Variants in MAGI1 observed in about 807,000 individuals in gnomAD.
MAGI1 encodes the protein membrane-associated guanylate kinase, WW and PDZ domain-containing protein 1.
Under a neutral mutation model 139.9 loss-of-function variants are expected in MAGI1, and 58 were observed. That is an observed-to-expected ratio of 0.41 (90% CI 0.34 to 0.52). MAGI1 has a LOEUF of 0.52. MAGI1 is among the 20% of genes least tolerant of loss of function. MAGI1 has a pLI of 0.12. For synonymous variants in MAGI1, 812 were observed against 737.9 expected, an observed-to-expected ratio of 1.10 and a Z score of -1.63; for missense variants, 1,874 against 1,901.6, an observed-to-expected ratio of 0.99 and a Z score of 0.27.
intron 1 of MAGI1, among the ~76,000 whole-genome samples, chr3:65,829,538 C>A (rs2042412195): frequency 6.6e-6 from 1 of 152,184 alleles, no homozygotes; most frequent in Admixed American, 6.5e-5. Context: ...TCTGCTGGTG[C>A]CTTGATCTTG....
chr3:65,898,434 G>C (rs955433948), intron 1 of MAGI1, among the ~76,000 whole-genome samples: 5 of 152,084 alleles, frequency 3.3e-5, no homozygotes, highest in African/African-American at 4.8e-5. Flanking sequence ...ATGCACACAG[G>C]CTTGTTCATT....
In MAGI1 at chr3:65,356,360, G is replaced by A. The variant is rs1387475000; in HGVS notation, c.*18C>T. Reference sequence around the variant, plus strand: ...TAGAACCTTTGACACGGTAAAGGTTGGAATGTGACTCAGCGTCTCAGATAC... The same window carrying A: ...TAGAACCTTTGACACGGTAAAGGTTAGAATGTGACTCAGCGTCTCAGATAC... On this transcript the variant is annotated 3_prime_UTR_variant, in exon 23 of 23. Transcript: ENST00000402939. 1 of 1,552,722 alleles carries A rather than the reference G, an allele frequency of 6.4e-7. No individual in the cohort carries two copies. The highest frequency in any genetic ancestry group is 8.6e-7 in the Non-Finnish European group (1 of 1,157,862).
chr3:65,665,755 C>A (rs999037943), intron 1 of MAGI1, among the ~76,000 whole-genome samples: 4 of 152,130 alleles, frequency 2.6e-5, no homozygotes, highest in African/African-American at 9.7e-5. Flanking sequence ...GGGCTTTCCC[C>A]TCAAAGTTCC....
At chr3:65,795,317 G>A (rs1160352469) in intron 1 of MAGI1, among the ~76,000 whole-genome samples, 1 of 152,078 alleles carries the variant, frequency 6.6e-6, no homozygotes, top group Non-Finnish European at 1.5e-5. Flanking sequence ...TAAAAAAAAA[G>A]TATGGCTCAT....
intron 1 of MAGI1, among the ~76,000 whole-genome samples, chr3:65,937,471 AAG>A (rs2063120097): frequency 6.6e-6 from 1 of 152,020 alleles, no homozygotes; most frequent in African/African-American, 2.4e-5. Context: ...CCCACAGAGA[AAG>A]AGAGAGGTTG....
At chr3:65,608,861 G>A (rs763719535) in intron 2 of MAGI1, among the ~76,000 whole-genome samples, 9 of 152,006 alleles carry the variant, frequency 5.9e-5, no homozygotes, top group Non-Finnish European at 1.0e-4. Flanking sequence ...CAGAAGAATG[G>A]GTAAGCAGAT....
intron 2 of MAGI1, among the ~76,000 whole-genome samples, chr3:65,591,360 C>T (rs1242073908): frequency 6.6e-6 from 1 of 152,082 alleles, no homozygotes; most frequent in African/African-American, 2.4e-5. Flanking sequence ...TTTCTCACAC[C>T]CCTCAGGTCA....
chr3:65,591,098 C>T (rs1279206119), intron 2 of MAGI1, among the ~76,000 whole-genome samples: 1 of 152,096 alleles, frequency 6.6e-6, no homozygotes, highest in Non-Finnish European at 1.5e-5. Context: ...CATTCAAAAA[C>T]TGGGGAATGT....
At chr3:65,601,941 A>G (rs2082503375) in intron 2 of MAGI1, among the ~76,000 whole-genome samples, 1 of 152,204 alleles carries the variant, frequency 6.6e-6, no homozygotes. Flanking sequence ...AAAAATAGGC[A>G]AAGGAATTCA....
chr3:65,665,330 G>T (rs957497643), intron 1 of MAGI1, among the ~76,000 whole-genome samples: 16 of 152,164 alleles, frequency 1.1e-4, no homozygotes, highest in African/African-American at 3.6e-4. Flanking sequence ...GCCACAGATT[G>T]CCAAGGTAAC....
At chr3:65,446,098 T>A (rs1016953363) in intron 7 of MAGI1, among the ~76,000 whole-genome samples, 2 of 152,266 alleles carry the variant, frequency 1.3e-5, no homozygotes, top group African/African-American at 4.8e-5. Flanking sequence ...ATTTCTATAA[T>A]ATAGAACACA....
chr3:65,441,595 TA>T (rs1239962509), intron 8 of MAGI1, among the ~76,000 whole-genome samples: 4 of 152,178 alleles, frequency 2.6e-5, no homozygotes, highest in Admixed American at 2.6e-4. Flanking sequence ...TGCTCTCTCT[TA>T]ATGCATAAAC....
In MAGI1 at chr3:65,542,200, T is replaced by G. The variant is rs1308548787; in HGVS notation, c.431-48569A>C. On this transcript the variant is annotated intron_variant, in intron 2 of 22. Transcript: ENST00000402939. ...ACTAAGAGAATAAAATACCTAGGAA[T>G]ACAACTTACAAGGGATGTGAAGGAA... Among the ~76,000 whole-genome samples, 3 of 152,088 alleles carry G rather than the reference T, an allele frequency of 2.0e-5. No individual in the cohort carries two copies. The East Asian group carries it at 5.8e-4, about 29-fold the overall frequency.
intron 1 of MAGI1, among the ~76,000 whole-genome samples, chr3:65,746,798 G>A (rs565167380): frequency 1.3e-5 from 2 of 151,958 alleles, no homozygotes; most frequent in Non-Finnish European, 2.9e-5. Flanking sequence ...CTTCTGCCTA[G>A]TCAATCACTG....
intron 1 of MAGI1, among the ~76,000 whole-genome samples, chr3:65,641,764 T>A (rs1205538983): frequency 2.0e-5 from 3 of 152,172 alleles, no homozygotes; most frequent in African/African-American, 7.2e-5. Flanking sequence ...AAACTGAAAT[T>A]AGCTGGGTAG....
intron 1 of MAGI1, among the ~76,000 whole-genome samples, chr3:65,797,314 A>G (rs1415948316): frequency 6.6e-6 from 1 of 152,220 alleles, no homozygotes; most frequent in Non-Finnish European, 1.5e-5. Context: ...TAGGGGCAGG[A>G]TACCTGTAAA....
At chr3:65,854,596 G>A (rs918507945) in intron 1 of MAGI1, among the ~76,000 whole-genome samples, 4 of 152,194 alleles carry the variant, frequency 2.6e-5, no homozygotes, top group African/African-American at 4.8e-5. Context: ...TCATGGAAAA[G>A]CTCAATGCTG....
At chr3:65,730,403 T>C (rs771748261) in intron 1 of MAGI1, among the ~76,000 whole-genome samples, 3 of 152,194 alleles carry the variant, frequency 2.0e-5, no homozygotes, top group Non-Finnish European at 4.4e-5. Flanking sequence ...TATCCTCATT[T>C]AAAGCAGGAA....
intron 18 of MAGI1, among the ~76,000 whole-genome samples, chr3:65,371,643 T>G (rs1942008273): frequency 6.6e-6 from 1 of 152,224 alleles, no homozygotes; most frequent in African/African-American, 2.4e-5. Flanking sequence ...CATTTTACCC[T>G]AAGTAGAACT....
Sources: gnomAD v4.1 joint callset for allele counts (sites outside exome capture counted in the v4.1 genomes callset) on GRCh38, gnomAD v4.1.1 for gene constraint, MANE v1.5 for transcripts, NCBI Gene and HGNC (gene_info 2026-07-23, HGNC 2026-07-21) for gene names.